HTD2: variants seen among roughly 807,000 people sequenced by gnomAD.
The protein encoded by HTD2 is hydroxyacyl-thioester dehydratase type 2, mitochondrial.
Under a neutral mutation model 3.1 loss-of-function variants are expected in HTD2, and 1 was observed. The observed-to-expected ratio is 0.32, with a 90% CI of 0.11 to 1.52. The LOEUF is 1.52. Ranked by LOEUF, HTD2 falls within the 40% of genes most tolerant of loss-of-function variation. The probability of loss-of-function intolerance (pLI) is 0.39; values close to 1 mark genes in which losing one functional copy is unlikely to be tolerated. For missense variants in HTD2, 150 were observed against 79.6 expected, an observed-to-expected ratio of 1.88 and a Z score of -3.36; for synonymous variants, 50 against 28.9, an observed-to-expected ratio of 1.73 and a Z score of -2.34.
chr3:58,308,755 C>G (rs2097478564), intron 1 of HTD2, among the ~76,000 whole-genome samples: 1 of 151,950 alleles, frequency 6.6e-6, no homozygotes, highest in Non-Finnish European at 1.5e-5. Flanking sequence ...GTTTCCTGTT[C>G]CCTGTAGTGG....
chr3:58,316,119 C>CA (rs2097488049), intron 2 of HTD2, among the ~76,000 whole-genome samples: 1 of 152,216 alleles, frequency 6.6e-6, no homozygotes, highest in South Asian at 2.1e-4. Flanking sequence ...AACAAACAGA[C>CA]ATGGCCTCTG....
At position 58,314,176 on chromosome 3, in the gene HTD2, C is replaced by T. The variant is rs976775806; in HGVS notation, c.-330-2339C>T. ...GACCATCCTGGCCAACATGGCAAAA[C>T]CCTGTCTCTGCTAAAGCTATAAAAA... On this transcript the variant is annotated intron_variant, in intron 2 of 4. Transcript: ENST00000461393. Among the ~76,000 whole-genome samples, 61 of 152,030 alleles carry T rather than the reference C, an allele frequency of 4.0e-4. 1 individual carries two copies. The highest frequency in any genetic ancestry group is 1.4e-3 in the African/African-American group (60 of 41,458).
At chr3:58,308,737 G>A (rs1320049523) in intron 1 of HTD2, among the ~76,000 whole-genome samples, 1 of 152,150 alleles carries the variant, frequency 6.6e-6, no homozygotes, top group African/African-American at 2.4e-5. Flanking sequence ...TTCCTTGATT[G>A]GGCCTCAGTT....
intron 2 of HTD2, among the ~76,000 whole-genome samples, chr3:58,314,016 A>G (rs929303029): frequency 6.6e-6 from 1 of 152,226 alleles, no homozygotes; most frequent in Non-Finnish European, 1.5e-5. Flanking sequence ...TGATTGCACT[A>G]CTGCACTGCA....
At position 58,319,656 on chromosome 3, in the gene HTD2, TA is replaced by T. The variant is rs2097492376; in HGVS notation, c.*1539del. On this transcript the variant is annotated 3_prime_UTR_variant, in exon 5 of 5. Coordinates refer to ENST00000461393, the MANE Select transcript of HTD2 (RefSeq NM_001348712.2). Reference sequence around the variant, plus strand: ...GTAAAAAAAAAAAAATTGTAAGAAATAAATATTAAGAAGATTATGGAGGCCA... The same window carrying T: ...GTAAAAAAAAAAAAATTGTAAGAAATAATATTAAGAAGATTATGGAGGCCA... 6.6e-6 allele frequency: 1 copy of T among 151,308 alleles called. No individual in the cohort carries two copies. The highest frequency in any genetic ancestry group is 1.5e-5 in the Non-Finnish European group (1 of 67,902). 9.4% of individuals were successfully genotyped at this position (151,308 alleles called of 1,614,324 possible).
intron 3 of HTD2, 32 bp downstream of exon 3, chr3:58,316,623 A>G: frequency 6.3e-7 from 1 of 1,578,722 alleles, no homozygotes; most frequent in Non-Finnish European, 8.7e-7. Context: ...TTCTAGTATA[A>G]CAGGGCAGAG....
At chr3:58,312,979 A>AT (rs1233882411) in intron 2 of HTD2, among the ~76,000 whole-genome samples, 1 of 140,728 alleles carries the variant, frequency 7.1e-6, no homozygotes, top group East Asian at 2.2e-4. Context: ...AAAAAAAAAA[A>AT]AGGGCTGGGC....
At position 58,318,854 on chromosome 3, in the gene HTD2, C is replaced by G. The variant is rs1473291907; in HGVS notation, c.*734C>G. 1 of 151,960 alleles carries G rather than the reference C, an allele frequency of 6.6e-6. No individual in the cohort carries two copies. Among genetic ancestry groups the G allele is most frequent in the Non-Finnish European group, 1.5e-5 (1 of 68,038 alleles). The allele number at this position is 151,960 out of a possible 1,614,324, so 9.4% of individuals were successfully genotyped here. On this transcript the variant is annotated 3_prime_UTR_variant, in exon 5 of 5. Transcript: ENST00000461393. The stretch of plus-strand genomic sequence containing the variant: ...TCTCTACTAAAAATACAAAAACTAA[C>G]CGGGCATGGTGGCGGGCACCTGTAA...
In HTD2 at chr3:58,306,569, G is replaced by A. The variant is rs2097474925; in HGVS notation, c.-498G>A. On this transcript the variant is annotated 5_prime_UTR_variant, in exon 1 of 5. Transcript: ENST00000461393. ...GGGCCTCTGTACGGCGCCGCGTAGG[G>A]TCTCGGCCGCAGAACGTGGCCGAGA... 6.6e-6 allele frequency: 1 copy of A among 152,180 alleles called. No homozygotes were observed. The highest frequency in any genetic ancestry group is 1.5e-5 in the Non-Finnish European group (1 of 68,062). 9.4% of individuals were successfully genotyped at this position (152,180 alleles called of 1,614,324 possible).
chr3:58,308,324 C>G (rs1049081565), intron 1 of HTD2, among the ~76,000 whole-genome samples: 1 of 152,152 alleles, frequency 6.6e-6, no homozygotes, highest in Non-Finnish European at 1.5e-5. Flanking sequence ...TGCTCTGTCA[C>G]CCAGGCTGGA....
upstream of HTD2, chr3:58,306,309 G>C (rs1427083502): frequency 6.6e-6 from 1 of 152,502 alleles, no homozygotes; most frequent in East Asian, 1.9e-4. Context: ...AAGACACCAG[G>C]AGTTTCTCGG....
intron 2 of HTD2, among the ~76,000 whole-genome samples, chr3:58,313,728 G>A (rs766307664): frequency 3.1e-4 from 47 of 152,366 alleles, no homozygotes; most frequent in Non-Finnish European, 2.6e-4. Context: ...AGGAGGCTGA[G>A]GTGGGAGGAT....
chr3:58,314,698 T>TTTG (rs2097486422), intron 2 of HTD2, among the ~76,000 whole-genome samples: 5 of 145,652 alleles, frequency 3.4e-5, no homozygotes, highest in South Asian at 2.3e-4. Flanking sequence ...TTTTTTTTTT[T>TTTG]TTGTTGAGAT....
At chr3:58,311,695 G>C (rs2097482416) in intron 2 of HTD2, among the ~76,000 whole-genome samples, 1 of 147,014 alleles carries the variant, frequency 6.8e-6, no homozygotes, top group Admixed American at 6.8e-5. Context: ...ATAAATATGA[G>C]AGTGCATATG....
chr3:58,308,345 A>G (rs1413016337), intron 1 of HTD2, among the ~76,000 whole-genome samples: 1 of 152,156 alleles, frequency 6.6e-6, no homozygotes, highest in Non-Finnish European at 1.5e-5. Flanking sequence ...GTGCAGTGGT[A>G]CAATCACAGT....
intron 2 of HTD2, 26 bp from the exon 3 acceptor site, chr3:58,316,489 T>C: frequency 6.3e-7 from 1 of 1,596,820 alleles, no homozygotes; most frequent in Non-Finnish European, 8.6e-7. Flanking sequence ...GAGAATAGCC[T>C]GCTAATAGCA....
chr3:58,311,456 A>G (rs1001110062), intron 2 of HTD2, among the ~76,000 whole-genome samples: 4 of 152,124 alleles, frequency 2.6e-5, no homozygotes, highest in Non-Finnish European at 5.9e-5. Context: ...GCCTGGCAAG[A>G]TCTGCTTTTT....
intron 2 of HTD2, among the ~76,000 whole-genome samples, chr3:58,310,978 A>T (rs570035683): frequency 7.8e-4 from 119 of 151,930 alleles, no homozygotes; most frequent in African/African-American, 1.0e-3. Context: ...AAAAAAAAAA[A>T]AAATAAATTA....
chr3:58,309,038 A>G (rs540300477), intron 1 of HTD2, among the ~76,000 whole-genome samples: 2 of 152,234 alleles, frequency 1.3e-5, no homozygotes, highest in East Asian at 3.9e-4. Flanking sequence ...CCTCTTCTCA[A>G]CCCCTGTGCT....
Sources: gnomAD v4.1 joint callset for allele counts (sites outside exome capture counted in the v4.1 genomes callset) on GRCh38, gnomAD v4.1.1 for gene constraint, MANE v1.5 for transcripts, NCBI Gene and HGNC (gene_info 2026-07-23, HGNC 2026-07-21) for gene names.